INPP4B: variants seen among roughly 807,000 people sequenced by gnomAD.
The protein encoded by INPP4B is inositol polyphosphate-4-phosphatase type II B, also known as inositol polyphosphate 4-phosphatase type II.
Under a neutral mutation model 122.5 loss-of-function variants are expected in INPP4B, and 55 were observed. The observed-to-expected ratio is 0.45, with a 90% CI of 0.36 to 0.56. The LOEUF is 0.56. INPP4B is among the 20% of genes least tolerant of loss of function. INPP4B has a pLI of 0.00. For missense variants in INPP4B, 1,000 were observed against 1,097.7 expected (o/e 0.91, Z 1.26); for synonymous variants, 403 against 388.7 (o/e 1.04, Z -0.43).
At chr4:142,243,612 G>A (rs1041582466) in intron 11 of INPP4B, among the ~76,000 whole-genome samples, 1 of 152,084 alleles carries the variant, frequency 6.6e-6, no homozygotes, top group Admixed American at 6.6e-5. Flanking sequence ...ATATATTTTT[G>A]TTGTTATAAA....
chr4:142,304,082 A>G (rs1762483356), intron 9 of INPP4B, among the ~76,000 whole-genome samples: 1 of 152,146 alleles, frequency 6.6e-6, no homozygotes, highest in Non-Finnish European at 1.5e-5. Flanking sequence ...AGAACATGCT[A>G]TGCATCTGAT....
intron 11 of INPP4B, among the ~76,000 whole-genome samples, chr4:142,257,640 A>C (rs957971613): frequency 6.6e-6 from 1 of 152,204 alleles, no homozygotes; most frequent in Non-Finnish European, 1.5e-5. Flanking sequence ...TAGGAATCCA[A>C]CTTACAAGGG....
intron 12 of INPP4B, among the ~76,000 whole-genome samples, chr4:142,213,849 T>C (rs1468444101): frequency 6.6e-6 from 1 of 152,152 alleles, no homozygotes; most frequent in East Asian, 1.9e-4. Context: ...GGCTGACCCA[T>C]TTTTATACCA....
At chr4:142,210,985 T>C (rs972706953) in intron 12 of INPP4B, among the ~76,000 whole-genome samples, 1 of 152,176 alleles carries the variant, frequency 6.6e-6, no homozygotes, top group Non-Finnish European at 1.5e-5. Context: ...TCCATAACTT[T>C]TGTTTAAAAT....
chr4:142,815,562 T>C (rs1395736362), intron 1 of INPP4B, among the ~76,000 whole-genome samples: 2 of 152,166 alleles, frequency 1.3e-5, no homozygotes, highest in African/African-American at 4.8e-5. Context: ...TGCTATTCAT[T>C]CTTTTAAACG....
At chr4:142,092,157 C>T (rs1236784220) in intron 23 of INPP4B, among the ~76,000 whole-genome samples, 1 of 152,172 alleles carries the variant, frequency 6.6e-6, no homozygotes, top group Admixed American at 6.5e-5. Context: ...AAAGGAACCT[C>T]TTCTTAGCCC....
intron 17 of INPP4B, among the ~76,000 whole-genome samples, chr4:142,146,523 C>T (rs978209496): frequency 6.6e-6 from 1 of 152,164 alleles, no homozygotes; most frequent in South Asian, 2.1e-4. Context: ...CTCTGCACCC[C>T]TTACACACAT....
chr4:142,533,772 A>C (rs1827886963), intron 2 of INPP4B, among the ~76,000 whole-genome samples: 1 of 152,188 alleles, frequency 6.6e-6, no homozygotes. Context: ...TGTGAAGGCA[A>C]TTCATGAACA....
chr4:142,752,528 G>T (rs910723431), intron 1 of INPP4B, among the ~76,000 whole-genome samples: 8 of 152,094 alleles, frequency 5.3e-5, no homozygotes, highest in African/African-American at 1.7e-4. Context: ...TGGAGGAGAA[G>T]AGGGAAGCTT....
chr4:142,290,801 C>T lies in INPP4B; in HGVS notation c.503+14657G>A, dbSNP rs533829447. Among the ~76,000 whole-genome samples, 420 of 152,248 alleles carry T rather than the reference C, an allele frequency of 2.8e-3. 2 individuals are homozygous for T. The highest frequency in any genetic ancestry group is 9.3e-3 in the African/African-American group (387 of 41,530). On this transcript the variant is annotated intron_variant, in intron 9 of 25. Coordinates refer to ENST00000262992, the MANE Select transcript of INPP4B (RefSeq NM_001101669.3). ...GGGACGTGGTATGTATGACCAAAGA[C>T]AGCTAGGCATCAAACAACCTGGAGC...
intron 23 of INPP4B, among the ~76,000 whole-genome samples, chr4:142,092,740 G>C (rs1352808946): frequency 1.3e-5 from 2 of 152,172 alleles, no homozygotes; most frequent in Non-Finnish European, 2.9e-5. Context: ...GCAATCAAAA[G>C]CATTCTAAGG....
At chr4:142,565,292 G>T (rs1379087441) in intron 2 of INPP4B, among the ~76,000 whole-genome samples, 1 of 152,076 alleles carries the variant, frequency 6.6e-6, no homozygotes, top group Non-Finnish European at 1.5e-5. Context: ...ATACCAAAGA[G>T]TTAAAAAGAA....
intron 3 of INPP4B, among the ~76,000 whole-genome samples, chr4:142,458,011 CAG>C (rs1362662945): frequency 6.6e-6 from 1 of 152,156 alleles, no homozygotes; most frequent in African/African-American, 2.4e-5. Context: ...AACCTGGACA[CAG>C]ATGCTTTTAG....
At chr4:142,244,404 A>T (rs1472322139) in intron 11 of INPP4B, among the ~76,000 whole-genome samples, 1 of 143,488 alleles carries the variant, frequency 7.0e-6, no homozygotes, top group Non-Finnish European at 1.5e-5. Context: ...GGTTCACGTC[A>T]TTCTCCTGCC....
chr4:142,783,189 C>A (rs1775163133), intron 1 of INPP4B, among the ~76,000 whole-genome samples: 2 of 152,124 alleles, frequency 1.3e-5, no homozygotes, highest in African/African-American at 4.8e-5. Context: ...TCAAGAGCTT[C>A]TGCACAGCAA....
At position 142,736,710 on chromosome 4, in the gene INPP4B, C is replaced by T. The variant is rs545786335; in HGVS notation, c.-253-10809G>A. The stretch of plus-strand genomic sequence containing the variant: ...AAGGTGATTTTGGGCTGAGACGATG[C>T]GGTTTTCTAGATATACAATCATGTC... On this transcript the variant is annotated intron_variant, in intron 1 of 25. Transcript: ENST00000262992. Among the ~76,000 whole-genome samples the T allele has an allele frequency of 1.6e-4, 25 of 152,158 alleles. No individual in the cohort carries two copies. In the South Asian group the frequency reaches 3.3e-3, roughly 20 times the overall value.
At chr4:142,842,609 TATATA>T (rs908582715) in intron 1 of INPP4B, among the ~76,000 whole-genome samples, 5 of 136,526 alleles carry the variant, frequency 3.7e-5, no homozygotes, top group South Asian at 2.1e-4. Flanking sequence ...ATATGTATAA[TATATA>T]ATATATTTAT....
chr4:142,708,389 G>A (rs936434746), intron 2 of INPP4B, among the ~76,000 whole-genome samples: 1 of 152,150 alleles, frequency 6.6e-6, no homozygotes, highest in Non-Finnish European at 1.5e-5. Context: ...TGGGGAAAAT[G>A]CCTCAAAGGC....
chr4:142,128,696 C>A (rs1799823382), intron 18 of INPP4B, among the ~76,000 whole-genome samples: 1 of 152,126 alleles, frequency 6.6e-6, no homozygotes, highest in Non-Finnish European at 1.5e-5. Flanking sequence ...CAAGCACAGC[C>A]TCTGTTTTCC....
Sources: allele counts gnomAD v4.1 joint callset (sites outside exome capture counted in the v4.1 genomes callset), GRCh38; gene constraint gnomAD v4.1.1; transcripts MANE v1.5; gene names NCBI Gene and HGNC (gene_info 2026-07-23, HGNC 2026-07-21).